NRG1: variants seen among roughly 807,000 people sequenced by gnomAD.
NRG1 encodes the protein neuregulin 1, also known as pro-neuregulin-1, membrane-bound isoform.
In NRG1, 18 loss-of-function variants were observed where a neutral mutation model predicts 63.8. The observed-to-expected ratio is 0.28, with a 90% CI of 0.19 to 0.42. NRG1 has a LOEUF of 0.42. Among genes scored for constraint, NRG1 ranks in the 10% least tolerant of loss-of-function variants. NRG1 has a pLI of 1.00. For missense variants in NRG1, 762 were observed against 814.7 expected (o/e 0.94, Z 0.79); for synonymous variants, 302 against 301.3 (o/e 1.00, Z -0.02).
At chr8:32,563,909 G>A (rs1836929736) in intron 1 of NRG1, among the ~76,000 whole-genome samples, 1 of 152,094 alleles carries the variant, frequency 6.6e-6, no homozygotes. Flanking sequence ...TTGTCATCAA[G>A]CTATTCATTG....
chr8:32,215,073 A>G (rs1845076047), intron 1 of NRG1, among the ~76,000 whole-genome samples: 1 of 152,216 alleles, frequency 6.6e-6, no homozygotes, highest in Admixed American at 6.5e-5. Context: ...ACAACAAATA[A>G]TTTTTAGCAG....
intron 1 of NRG1, among the ~76,000 whole-genome samples, chr8:32,377,006 T>C (rs1163408909): frequency 6.6e-6 from 1 of 152,228 alleles, no homozygotes; most frequent in Non-Finnish European, 1.5e-5. Context: ...TAATGGACAA[T>C]GCCCTCAACC....
At chr8:32,155,068 T>C (rs916247463) in intron 1 of NRG1, among the ~76,000 whole-genome samples, 4 of 152,212 alleles carry the variant, frequency 2.6e-5, no homozygotes, top group African/African-American at 9.6e-5. Context: ...CAATACTTTT[T>C]GCTATCCGCT....
intron 1 of NRG1, among the ~76,000 whole-genome samples, chr8:32,489,560 A>G (rs1826302819): frequency 6.6e-6 from 1 of 152,174 alleles, no homozygotes; most frequent in Admixed American, 6.5e-5. Context: ...GCAGGACCAC[A>G]GGCAGACTTT....
At position 31,774,014 on chromosome 8, in the gene NRG1, T is replaced by TA. The variant is rs59980607; in HGVS notation, c.37+134594dup. Among the ~76,000 whole-genome samples the TA allele has an allele frequency of 2.7e-3, 399 of 145,160 alleles. 1 individual carries two copies. The highest frequency in any genetic ancestry group is 3.4e-3 in the Non-Finnish European group (223 of 65,718). ...CTAAATAAATGAGCTGTGTTAAAATTAAAAAAAAAAAGAAAAAGAAGTGCA... is the reference window on the plus strand; with the variant it reads ...CTAAATAAATGAGCTGTGTTAAAATTAAAAAAAAAAAAGAAAAAGAAGTGCA... On this transcript the variant is annotated intron_variant, in intron 1 of 10. Transcript: ENST00000519301.
chr8:31,691,224 T>C (rs1809467176), intron 1 of NRG1, among the ~76,000 whole-genome samples: 3 of 152,174 alleles, frequency 2.0e-5, no homozygotes, highest in South Asian at 4.1e-4. Context: ...TATCTGTCTA[T>C]GTAGAATAAA....
chr8:32,075,322 G>A (rs1370371413), intron 1 of NRG1, among the ~76,000 whole-genome samples: 1 of 152,170 alleles, frequency 6.6e-6, no homozygotes. Context: ...AATAAATCAT[G>A]CCAGTCAGGA....
chr8:31,845,844 G>A (rs1336990857), intron 1 of NRG1, among the ~76,000 whole-genome samples: 2 of 152,070 alleles, frequency 1.3e-5, no homozygotes, highest in Non-Finnish European at 2.9e-5. Flanking sequence ...TTCTCAGAAT[G>A]GATTTTATAG....
intron 1 of NRG1, among the ~76,000 whole-genome samples, chr8:31,776,945 G>C (rs184686004): frequency 3.9e-5 from 6 of 152,276 alleles, no homozygotes; most frequent in Non-Finnish European, 7.4e-5. Flanking sequence ...TTACACTGTT[G>C]GTGGGGCTGT....
chr8:31,964,480 G>T (rs148491989), intron 1 of NRG1, among the ~76,000 whole-genome samples: 31 of 152,170 alleles, frequency 2.0e-4, no homozygotes, highest in South Asian at 4.1e-4. Context: ...GACCAGCCTG[G>T]TGAGACCTTT....
chr8:32,748,358 C>CACACAGAGAGAGAGAGAGAGAG (rs748763782), intron 7 of NRG1, among the ~76,000 whole-genome samples: 33 of 122,002 alleles, frequency 2.7e-4, no homozygotes, highest in South Asian at 6.2e-4. Flanking sequence ...CACACACACA[C>CACACAGAGAGAGAGAGAGAGAG]AGAGAGAGAG....
intron 1 of NRG1, among the ~76,000 whole-genome samples, chr8:32,578,298 C>G (rs958984009): frequency 1.3e-5 from 2 of 152,114 alleles, no homozygotes; most frequent in African/African-American, 4.8e-5. Context: ...CCGGCCAGAT[C>G]TTTTTAAATA....
intron 1 of NRG1, among the ~76,000 whole-genome samples, chr8:31,936,493 G>A (rs1346475712): frequency 6.6e-6 from 1 of 151,932 alleles, no homozygotes; most frequent in African/African-American, 2.4e-5. Flanking sequence ...TTAAACTATT[G>A]CCCTTGTTTA....
At chr8:32,473,524 T>A (rs1315012959) in intron 1 of NRG1, among the ~76,000 whole-genome samples, 2 of 152,170 alleles carry the variant, frequency 1.3e-5, no homozygotes, top group Non-Finnish European at 2.9e-5. Context: ...TATTGCTCAG[T>A]CTTTTATTCT....
At chr8:32,756,605 G>A (rs766931893) in intron 9 of NRG1, 76 bp downstream of exon 9, 16 of 1,489,756 alleles carry the variant, frequency 1.1e-5, no homozygotes, top group African/African-American at 1.4e-5. Flanking sequence ...ATTTTCGAAA[G>A]CTCTTAAGCT....
chr8:31,780,456 A>T (rs1455175245), intron 1 of NRG1, among the ~76,000 whole-genome samples: 1 of 152,196 alleles, frequency 6.6e-6, no homozygotes, highest in African/African-American at 2.4e-5. Flanking sequence ...TATGGAACAG[A>T]TGGATTGAAT....
At chr8:32,182,499 A>C (rs1476688772) in intron 1 of NRG1, among the ~76,000 whole-genome samples, 6 of 152,162 alleles carry the variant, frequency 3.9e-5, no homozygotes, top group Admixed American at 3.9e-4. Flanking sequence ...TGCCTGCCTC[A>C]GCCTCCCAAA....
chr8:31,961,012 C>A (rs371725130), intron 1 of NRG1, among the ~76,000 whole-genome samples: 1 of 152,040 alleles, frequency 6.6e-6, no homozygotes. Flanking sequence ...GACTTTCAGT[C>A]CTTGGAATTT....
chr8:32,246,199 A>G (rs935499632), intron 1 of NRG1, among the ~76,000 whole-genome samples: 2 of 152,204 alleles, frequency 1.3e-5, no homozygotes, highest in Non-Finnish European at 2.9e-5. Context: ...TTTGCAAAGC[A>G]TAGACTTCTG....
Sources: allele counts gnomAD v4.1 joint callset (sites outside exome capture counted in the v4.1 genomes callset), GRCh38; gene constraint gnomAD v4.1.1; transcripts MANE v1.5; gene names NCBI Gene and HGNC (gene_info 2026-07-23, HGNC 2026-07-21).